IFNAR2: variants seen among roughly 807,000 people sequenced by gnomAD.
IFNAR2 encodes interferon alpha/beta receptor 2.
Under a neutral mutation model 49.4 loss-of-function variants are expected in IFNAR2, and 30 were observed. The observed-to-expected ratio is 0.61, with a 90% CI of 0.45 to 0.82. The LOEUF (loss-of-function observed/expected upper bound fraction) is 0.82, where lower values mean the gene tolerates loss of function less well. IFNAR2 is among the 40% of genes least tolerant of loss of function. The pLI, the probability that IFNAR2 is intolerant of heterozygous loss-of-function variation, is 0.00. For missense variants in IFNAR2, 600 were observed against 622.7 expected, an observed-to-expected ratio of 0.96 and a Z score of 0.39; for synonymous variants, 224 against 234.5, an observed-to-expected ratio of 0.96 and a Z score of 0.41.
At chr21:33,253,861 C>T (rs1457500617) in intron 7 of IFNAR2, among the ~76,000 whole-genome samples, 3 of 152,036 alleles carry the variant, frequency 2.0e-5, no homozygotes, top group African/African-American at 7.2e-5. Context: ...GGGTTTTGGC[C>T]GGCTTTACTG....
At chr21:33,240,695 A>G (rs565361537) in intron 1 of IFNAR2, among the ~76,000 whole-genome samples, 1 of 152,138 alleles carries the variant, frequency 6.6e-6, no homozygotes, top group South Asian at 2.1e-4. Flanking sequence ...ACATACCTGT[A>G]GTCTCAGCTA....
rs753387800 is a variant in IFNAR2, at chr21:33,243,725, T to G, written c.97+11T>G. On this transcript the variant is annotated intron_variant, in intron 3 of 8. Coordinates refer to ENST00000342136, the MANE Select transcript of IFNAR2 (RefSeq NM_001289125.3). ...CATATGATTCGCCTGGTAAGAGATG[T>G]TTTTTGGCTTCACTAAATTTTGTAT... 7.5e-6 allele frequency: 12 copies of G among 1,604,672 alleles called. No individual in the cohort carries two copies. The East Asian group carries it at 2.7e-4, about 36-fold the overall frequency.
chr21:33,241,891 A>G lies in IFNAR2; in HGVS notation c.-32A>G. On this transcript the variant is annotated 5_prime_UTR_variant, in exon 2 of 9. It removes the in-frame stop codon of an upstream open reading frame in the 5' UTR. Transcript: ENST00000342136. ...TCACCTAATGTTGATTTCAGATGTA[A>G]AAGTCAAGAGAAGACTCTAAAAATA... 7 of 1,608,912 alleles carry G rather than the reference A, an allele frequency of 4.4e-6. No homozygotes were observed. Among genetic ancestry groups the G allele is most frequent in the Non-Finnish European group, 6.0e-6 (7 of 1,176,284 alleles).
In IFNAR2 at chr21:33,230,329, C is replaced by T. The variant is rs916943152; in HGVS notation, c.-84+113C>T. The T allele has an allele frequency of 7.9e-6, 7 of 888,534 alleles. No individual in the cohort carries two copies. The African/African-American group carries it at 1.1e-4, about 14-fold the overall frequency. 55.0% of individuals were successfully genotyped at this position (888,534 alleles called of 1,614,324 possible). Reference sequence around the variant, plus strand: ...ATCCCCTCCGGTTCCCTCTCGCTCTCCCCGACTCCTCCTCCTCCTCCTGCC... The same window carrying T: ...ATCCCCTCCGGTTCCCTCTCGCTCTTCCCGACTCCTCCTCCTCCTCCTGCC... On this transcript the variant is annotated intron_variant, in intron 1 of 8. Coordinates refer to ENST00000342136, the MANE Select transcript of IFNAR2 (RefSeq NM_001289125.3). The surrounding 1 kb of genome is among the most constrained non-coding windows in gnomAD (Gnocchi z 5.5).
chr21:33,230,163 G>A lies in IFNAR2; in HGVS notation c.-137G>A. On this transcript the variant is annotated 5_prime_UTR_variant, in exon 1 of 9. Coordinates refer to ENST00000342136, the MANE Select transcript of IFNAR2 (RefSeq NM_001289125.3). The surrounding 1 kb of genome is among the most constrained non-coding windows in gnomAD (Gnocchi z 5.5). ...AGCGTCGGGTCCCAGAGCCGGGCGC[G>A]GCTGGGGCCCGAGGCTAGCATCTCT... 1.0e-6 allele frequency: 1 copy of A among 999,940 alleles called. No homozygotes were observed. The highest frequency in any genetic ancestry group is 1.2e-6 in the Non-Finnish European group (1 of 837,650). 61.9% of individuals were successfully genotyped at this position (999,940 alleles called of 1,614,324 possible).
chr21:33,256,284 A>G (rs1190108556), intron 7 of IFNAR2, among the ~76,000 whole-genome samples: 1 of 152,214 alleles, frequency 6.6e-6, no homozygotes, highest in Non-Finnish European at 1.5e-5. Context: ...TTGCACATCA[A>G]GTCAGCCCTC....
rs543974817 is a variant in IFNAR2, at chr21:33,243,809, T to C, written c.97+95T>C. 154 of 890,820 alleles carry C rather than the reference T, an allele frequency of 1.7e-4. 1 individual carries two copies. The East Asian group carries it at 3.4e-3, about 20-fold the overall frequency. The allele number at this position is 890,820 out of a possible 1,614,324, so 55.2% of individuals were successfully genotyped here. On this transcript the variant is annotated intron_variant, in intron 3 of 8. Coordinates refer to ENST00000342136, the MANE Select transcript of IFNAR2 (RefSeq NM_001289125.3). Reference sequence around the variant, plus strand: ...TATAAAATGTGGGAGATTTGATTTCTGATTGTACATCTGTTGCCTGTTTTA... The same window carrying C: ...TATAAAATGTGGGAGATTTGATTTCCGATTGTACATCTGTTGCCTGTTTTA...
Position 33,246,656 on chromosome 21 carries a change from A to G in IFNAR2, c.222-62A>G. 4 of 1,377,506 alleles carry G rather than the reference A, an allele frequency of 2.9e-6. No individual in the cohort carries two copies. The South Asian group carries it at 5.3e-5, about 18-fold the overall frequency. 85.3% of individuals were successfully genotyped at this position (1,377,506 alleles called of 1,614,324 possible). A position where few individuals can be genotyped will look rare whatever the true frequency, so the allele number is the denominator to read the frequency against. On this transcript the variant is annotated intron_variant, in intron 4 of 8. Coordinates refer to ENST00000342136, the MANE Select transcript of IFNAR2 (RefSeq NM_001289125.3). The stretch of plus-strand genomic sequence containing the variant: ...AGGAAACAATGAAGTAAGGCGCCCA[A>G]AAATAGACTCTCATTACATCAATGC...
At chr21:33,248,325 G>T (rs1987588402) in intron 5 of IFNAR2, among the ~76,000 whole-genome samples, 1 of 135,572 alleles carries the variant, frequency 7.4e-6, no homozygotes, top group Admixed American at 8.4e-5. Context: ...CGAGCAACAT[G>T]GGGAAACCCT....
Position 33,248,982 on chromosome 21 carries a change from G to C in IFNAR2, c.540+128G>C, listed in dbSNP as rs548254642. The stretch of plus-strand genomic sequence containing the variant: ...AAAACGTCAGGCTTCAGTATGGTCC[G>C]ACTTAGGGAAGAAGTCACTATGGTT... On this transcript the variant is annotated intron_variant, in intron 6 of 8. Transcript: ENST00000342136. 1.4e-5 allele frequency: 9 copies of C among 666,558 alleles called. 1 individual carries two copies. In the South Asian group the frequency reaches 1.8e-4, roughly 13 times the overall value. The allele number at this position is 666,558 out of a possible 1,614,324, so 41.3% of individuals were successfully genotyped here. A position where few individuals can be genotyped will look rare whatever the true frequency, so the allele number is the denominator to read the frequency against.
intron 4 of IFNAR2, 82 bp downstream of exon 4, chr21:33,245,156 G>A: frequency 9.6e-7 from 1 of 1,038,308 alleles, no homozygotes; most frequent in Non-Finnish European, 1.5e-6. Context: ...CTCTCTCTCT[G>A]TCTCTCCCTC....
At chr21:33,234,310 G>C (rs1393753335) in intron 1 of IFNAR2, among the ~76,000 whole-genome samples, 1 of 151,732 alleles carries the variant, frequency 6.6e-6, no homozygotes, top group Non-Finnish European at 1.5e-5. Flanking sequence ...AAAGATGTTT[G>C]AAAAATAAGC....
chr21:33,246,962 A>G (rs937397801), intron 5 of IFNAR2, 72 bp downstream of exon 5: 6 of 1,350,352 alleles, frequency 4.4e-6, no homozygotes, highest in Non-Finnish European at 6.2e-6. Context: ...TCCATGAAAT[A>G]GGAGGTCTAC....
chr21:33,263,122 C>G lies in IFNAR2; in HGVS notation c.1170C>G (p.Leu390=), dbSNP rs1262901069. 2.5e-6 allele frequency: 4 copies of G among 1,614,214 alleles called. No homozygotes were observed. Among genetic ancestry groups the G allele is most frequent in the Non-Finnish European group, 3.4e-6 (4 of 1,180,038 alleles). The change falls in exon 9 of 9, where the codon CTC becomes CTG. Residue 390 remains leucine (L), a synonymous_variant. Coordinates refer to ENST00000342136, the MANE Select transcript of IFNAR2 (RefSeq NM_001289125.3). ...AGGACAGCCCTCAGCAGTTGGAACT[C>G]TTGAGTGGGCCCTGTGAGAGGAGAA... ...MPKDSPQQLE[L]LSGPCERRKS...
Position 33,263,299 on chromosome 21 carries a change from A to ATC in IFNAR2, c.1348_1349dup (p.Ser451ArgfsTer64). Reference sequence around the variant, plus strand: ...ACGACTTAGAAGCCCCTCTGATGCTATCGTCTCATCTGGAAGAGATGGTTG... The same window carrying ATC: ...ACGACTTAGAAGCCCCTCTGATGCTATCTCGTCTCATCTGGAAGAGATGGTTG... On this transcript the variant is annotated frameshift_variant, in exon 9 of 9. Coordinates refer to ENST00000342136, the MANE Select transcript of IFNAR2 (RefSeq NM_001289125.3). LOFTEE classifies it high-confidence loss of function. 1 of 1,614,186 alleles carries ATC rather than the reference A, an allele frequency of 6.2e-7. No homozygotes were observed. The highest frequency in any genetic ancestry group is 8.5e-7 in the Non-Finnish European group (1 of 1,180,022).
chr21:33,244,864 G>A, intron 3 of IFNAR2, 87 bp from the exon 4 acceptor site: 1 of 1,361,510 alleles, frequency 7.3e-7, no homozygotes, highest in Non-Finnish European at 1.0e-6. Flanking sequence ...AGAGGTGTGG[G>A]TTCTAGATCC....
rs1196347942 is a variant in IFNAR2, at chr21:33,263,434, T to C, written c.1482T>C (p.Ala494=). ...PSSEGLWSED[A]PSDQSDTSES... ...CAGAGGGCCTGTGGTCCGAAGATGC[T>C]CCATCTGATCAAAGTGACACTTCTG... Residue 494 remains alanine, a synonymous_variant, in exon 9 of 9, where the codon GCT becomes GCC. Coordinates refer to ENST00000342136, the MANE Select transcript of IFNAR2 (RefSeq NM_001289125.3). 6.2e-7 allele frequency: 1 copy of C among 1,613,894 alleles called. No homozygotes were observed. The highest frequency in any genetic ancestry group is 2.2e-5 in the East Asian group (1 of 44,896).
At chr21:33,246,037 G>T (rs374410680) in intron 4 of IFNAR2, among the ~76,000 whole-genome samples, 14 of 151,790 alleles carry the variant, frequency 9.2e-5, no homozygotes, top group African/African-American at 3.4e-4. Flanking sequence ...CACCATGAGG[G>T]CCCAAGTTTC....
intron 7 of IFNAR2, among the ~76,000 whole-genome samples, chr21:33,255,305 AGG>A (rs1281588814): frequency 2.0e-5 from 3 of 152,178 alleles, no homozygotes; most frequent in African/African-American, 7.2e-5. Flanking sequence ...CAGACCCCAC[AGG>A]TTAAAGGCTC....
Sources: gnomAD v4.1 joint callset for allele counts (sites outside exome capture counted in the v4.1 genomes callset) on GRCh38, gnomAD v4.1.1 for gene constraint, Gnocchi (gnomAD v3.1) non-coding constraint, MANE v1.5 for transcripts, NCBI Gene and HGNC (gene_info 2026-07-23, HGNC 2026-07-21) for gene names.